Variants in PAM observed in about 807,000 individuals in gnomAD.
The protein encoded by PAM is peptidylglycine alpha-amidating monooxygenase, also known as peptidyl-glycine alpha-amidating monooxygenase.
PAM carries 72 observed loss-of-function variants against 122.1 expected under a neutral mutation model. The ratio of observed to expected loss-of-function variants is 0.59; its 90% CI spans 0.49 to 0.72. PAM has a LOEUF of 0.72. Among genes scored for constraint, PAM ranks in the 30% least tolerant of loss-of-function variants. The pLI, the probability that PAM is intolerant of heterozygous loss-of-function variation, is 0.00. For missense variants in PAM, 1,106 were observed against 1,183.7 expected (o/e 0.93, Z 0.96); for synonymous variants, 389 against 404.4 (o/e 0.96, Z 0.46).
intron 1 of PAM, among the ~76,000 whole-genome samples, chr5:102,757,901 G>C (rs140597906): frequency 6.6e-6 from 1 of 151,416 alleles, no homozygotes; most frequent in Non-Finnish European, 1.5e-5. Context: ...AAAAAGCCAG[G>C]TGTGGTGGTG....
chr5:102,906,499 C>G (rs1799596493), intron 4 of PAM, among the ~76,000 whole-genome samples: 1 of 151,630 alleles, frequency 6.6e-6, no homozygotes, highest in African/African-American at 2.4e-5. Context: ...GTATGAGAGA[C>G]AGTATCATAT....
chr5:102,982,785 A>G (rs932756412), intron 15 of PAM, among the ~76,000 whole-genome samples: 8 of 152,212 alleles, frequency 5.3e-5, no homozygotes, highest in African/African-American at 1.9e-4. Context: ...CCACATATAG[A>G]GGTATCAATG....
At chr5:102,887,380 G>T (rs561438673) in intron 3 of PAM, among the ~76,000 whole-genome samples, 13 of 152,038 alleles carry the variant, frequency 8.6e-5, no homozygotes, top group African/African-American at 2.9e-4. Flanking sequence ...AGCAGCCTGA[G>T]GCCCTTACCA....
At chr5:103,003,937 G>A (rs1364471077) in intron 17 of PAM, among the ~76,000 whole-genome samples, 1 of 151,208 alleles carries the variant, frequency 6.6e-6, no homozygotes, top group Non-Finnish European at 1.5e-5. Flanking sequence ...GTCTTATTTC[G>A]AGATGGCACT....
At chr5:102,758,794 C>T (rs7725623) in intron 1 of PAM, among the ~76,000 whole-genome samples, 3,474 of 152,230 alleles carry the variant, frequency 0.023, 123 homozygotes, top group African/African-American at 0.078. Context: ...AGCTATTGCT[C>T]TATGACTCAA....
intron 15 of PAM, among the ~76,000 whole-genome samples, chr5:102,981,613 C>T (rs1769902236): frequency 6.6e-6 from 1 of 152,154 alleles, no homozygotes; most frequent in South Asian, 2.1e-4. Flanking sequence ...GGTGACAAAA[C>T]CATGAATAAG....
intron 7 of PAM, among the ~76,000 whole-genome samples, chr5:102,931,739 C>T (rs1751570601): frequency 6.6e-6 from 1 of 152,064 alleles, no homozygotes; most frequent in South Asian, 2.1e-4. Context: ...AACTATAATC[C>T]ACTTACTGTC....
chr5:102,827,011 TTCTG>T (rs1380574583), intron 1 of PAM, among the ~76,000 whole-genome samples: 2 of 152,220 alleles, frequency 1.3e-5, no homozygotes, highest in African/African-American at 4.8e-5. Context: ...AAGAAATATT[TTCTG>T]TCTAAGTATA....
intron 1 of PAM, among the ~76,000 whole-genome samples, chr5:102,794,594 G>A (rs1314634339): frequency 1.3e-5 from 2 of 152,088 alleles, no homozygotes; most frequent in African/African-American, 4.8e-5. Flanking sequence ...ACTGAAGATA[G>A]TTTGATTCAA....
At chr5:102,909,927 A>G (rs1435310867) in intron 4 of PAM, among the ~76,000 whole-genome samples, 1 of 151,906 alleles carries the variant, frequency 6.6e-6, no homozygotes, top group Non-Finnish European at 1.5e-5. Context: ...TCAATTATCT[A>G]TGCTCTGTAG....
chr5:102,912,979 T>C (rs1489114592), intron 4 of PAM, among the ~76,000 whole-genome samples: 2 of 152,020 alleles, frequency 1.3e-5, no homozygotes, highest in African/African-American at 4.8e-5. Flanking sequence ...TTTTGTTTTA[T>C]AAGTACTCAT....
At chr5:102,978,733 G>A (rs1768611943) in intron 15 of PAM, among the ~76,000 whole-genome samples, 2 of 151,628 alleles carry the variant, frequency 1.3e-5, no homozygotes, top group African/African-American at 4.8e-5. Context: ...TTATATTTCA[G>A]CCATAGTCTT....
At chr5:102,976,183 T>G (rs1767603519) in intron 15 of PAM, among the ~76,000 whole-genome samples, 1 of 152,168 alleles carries the variant, frequency 6.6e-6, no homozygotes, top group South Asian at 2.1e-4. Context: ...TGTATTTCCT[T>G]TCTAAAATAA....
chr5:102,814,431 C>G (rs1212036470), intron 1 of PAM, among the ~76,000 whole-genome samples: 1 of 151,822 alleles, frequency 6.6e-6, no homozygotes, highest in Non-Finnish European at 1.5e-5. Flanking sequence ...TGATGGTGCA[C>G]TAAGTACAAT....
chr5:102,758,093 T>TCC (rs1751132906), intron 1 of PAM, among the ~76,000 whole-genome samples: 1 of 105,910 alleles, frequency 9.4e-6, no homozygotes, highest in African/African-American at 3.5e-5. Context: ...TTTTTTTTTT[T>TCC]TTTTTTTTTT....
intron 3 of PAM, among the ~76,000 whole-genome samples, chr5:102,896,237 G>A (rs745435959): frequency 6.6e-6 from 1 of 151,646 alleles, no homozygotes; most frequent in African/African-American, 2.4e-5. Flanking sequence ...ATAGAAGAGC[G>A]CTTGCCAGGA....
At chr5:102,947,558 G>C (rs181854927) in intron 8 of PAM, among the ~76,000 whole-genome samples, 54 of 152,196 alleles carry the variant, frequency 3.5e-4, no homozygotes, top group Admixed American at 2.9e-3. Context: ...GGGATAAAAG[G>C]CTACTAATTG....
chr5:102,979,174 T>C (rs561335946), intron 15 of PAM, among the ~76,000 whole-genome samples: 24 of 152,144 alleles, frequency 1.6e-4, no homozygotes, highest in Non-Finnish European at 3.2e-4. Context: ...TATAGGTGTA[T>C]TGGTCATGGT....
chr5:103,007,447 T>G lies in PAM; in HGVS notation c.2015-10T>G. The G allele has an allele frequency of 1.2e-6, 2 of 1,611,756 alleles. No homozygotes were observed. Among genetic ancestry groups the G allele is most frequent in the Non-Finnish European group, 8.5e-7 (1 of 1,178,784 alleles). Reference sequence around the variant, plus strand: ...ACATTGTGTATCTAAGGCTTTTTTTTGTTCTGCAGAGTCTTCAGGGAGCAG... The same window carrying G: ...ACATTGTGTATCTAAGGCTTTTTTTGGTTCTGCAGAGTCTTCAGGGAGCAG... On this transcript the variant is annotated splice_polypyrimidine_tract_variant and intron_variant, in intron 19 of 25. Transcript: ENST00000438793.
Sources: allele counts gnomAD v4.1 joint callset (sites outside exome capture counted in the v4.1 genomes callset), GRCh38; gene constraint gnomAD v4.1.1; transcripts MANE v1.5; gene names NCBI Gene and HGNC (gene_info 2026-07-23, HGNC 2026-07-21).